Variants in THSD4 observed in about 807,000 individuals in gnomAD.
THSD4 encodes the protein thrombospondin type 1 domain containing 4, also known as thrombospondin type-1 domain-containing protein 4.
A neutral mutation model predicts 119.0 loss-of-function variants in THSD4; 69 were observed. The observed-to-expected ratio is 0.58, with a 90% CI of 0.48 to 0.71. The LOEUF is 0.71. Among genes scored for constraint, THSD4 ranks in the 30% least tolerant of loss-of-function variants. The pLI, the probability that THSD4 is intolerant of heterozygous loss-of-function variation, is 0.00. For synonymous variants in THSD4, 524 were observed against 540.4 expected (o/e 0.97, Z 0.42); for missense variants, 1,393 against 1,391.1 (o/e 1.00, Z -0.02).
intron 6 of THSD4, among the ~76,000 whole-genome samples, chr15:71,280,954 G>A (rs750024914): frequency 4.6e-5 from 7 of 152,216 alleles, no homozygotes; most frequent in Non-Finnish European, 1.0e-4. Flanking sequence ...ATTCATGGGG[G>A]CAATGTTTCT....
At chr15:71,351,420 A>G (rs1373171740) in intron 6 of THSD4, among the ~76,000 whole-genome samples, 4 of 152,184 alleles carry the variant, frequency 2.6e-5, no homozygotes, top group East Asian at 3.9e-4. Flanking sequence ...GACATGTACT[A>G]TAGACCCTTA....
intron 7 of THSD4, among the ~76,000 whole-genome samples, chr15:71,470,887 G>A (rs923337002): frequency 5.9e-5 from 9 of 151,414 alleles, no homozygotes; most frequent in Non-Finnish European, 7.4e-5. Context: ...CACCCGCCTC[G>A]GCCTCCCAAA....
chr15:71,436,832 A>G (rs2047019984), intron 7 of THSD4, among the ~76,000 whole-genome samples: 1 of 152,182 alleles, frequency 6.6e-6, no homozygotes, highest in African/African-American at 2.4e-5. Context: ...GGATAGTAAC[A>G]TTTTTACGGG....
At chr15:71,431,567 T>C (rs2140533601) in intron 7 of THSD4, among the ~76,000 whole-genome samples, 1 of 152,260 alleles carries the variant, frequency 6.6e-6, no homozygotes, top group South Asian at 2.1e-4. Flanking sequence ...AAGATCTGTA[T>C]GTAAAAAGCA....
chr15:71,142,613 A>G (rs779800846), intron 2 of THSD4, among the ~76,000 whole-genome samples: 1 of 152,240 alleles, frequency 6.6e-6, no homozygotes, highest in Non-Finnish European at 1.5e-5. Flanking sequence ...ATATCTGCCC[A>G]AGCATCTAGT....
At chr15:71,231,790 T>G (rs2044063866) in intron 4 of THSD4, among the ~76,000 whole-genome samples, 1 of 152,184 alleles carries the variant, frequency 6.6e-6, no homozygotes, top group African/African-American at 2.4e-5. Flanking sequence ...TTAATTTTTA[T>G]TTCCCTAAGT....
In THSD4 at chr15:71,777,431, G is replaced by A. The variant is rs1243192107; in HGVS notation, c.*57G>A. The stretch of plus-strand genomic sequence containing the variant: ...CACTGCCTTCCCGGGGGCTTCAGCA[G>A]TGCGCCTGGCTGGCTGCTGCTCCAC... On this transcript the variant is annotated 3_prime_UTR_variant, in exon 18 of 18. Coordinates refer to ENST00000261862, the MANE Select transcript of THSD4 (RefSeq NM_024817.3). The A allele has an allele frequency of 5.1e-6, 8 of 1,561,798 alleles. No homozygotes were observed. Among genetic ancestry groups the A allele is most frequent in the Middle Eastern group, 2.1e-4 (1 of 4,730 alleles).
At chr15:71,727,179 C>G (rs2052858186) in intron 8 of THSD4, among the ~76,000 whole-genome samples, 1 of 151,968 alleles carries the variant, frequency 6.6e-6, no homozygotes, top group East Asian at 1.9e-4. Flanking sequence ...CATCTCTGAG[C>G]CACTCTGAAA....
At chr15:71,203,180 C>T (rs951181538) in intron 3 of THSD4, among the ~76,000 whole-genome samples, 1 of 151,936 alleles carries the variant, frequency 6.6e-6, no homozygotes, top group Admixed American at 6.6e-5. Flanking sequence ...AGTGTTCTTG[C>T]GTGGTGTGAG....
rs575226746 is a variant in THSD4, at chr15:71,297,122, T to A, written c.1015+40407T>A. ...ATAATATTAACCCATTTCCTTCACATCCTTGTTATTTATTTTTTTTTAATT... is the reference window on the plus strand; with the variant it reads ...ATAATATTAACCCATTTCCTTCACAACCTTGTTATTTATTTTTTTTTAATT... On this transcript the variant is annotated intron_variant, in intron 6 of 17. Transcript: ENST00000261862. 5.9e-5 allele frequency among the ~76,000 whole-genome samples: 9 copies of A among 152,242 alleles called. No homozygotes were observed. The East Asian group carries it at 1.7e-3, about 29-fold the overall frequency.
intron 6 of THSD4, among the ~76,000 whole-genome samples, chr15:71,332,644 C>T (rs889416093): frequency 3.3e-5 from 5 of 152,060 alleles, no homozygotes; most frequent in African/African-American, 9.7e-5. Context: ...TTTTATGGCC[C>T]GATTGCTGTC....
chr15:71,111,277 G>A (rs1425643129), upstream of THSD4: 1 of 1,613,988 alleles, frequency 6.2e-7, no homozygotes, highest in Non-Finnish European at 8.5e-7. Context: ...GGGAATCCTT[G>A]ACATTCCGTC....
At chr15:71,128,819 T>A (rs1217529301) in intron 1 of THSD4, among the ~76,000 whole-genome samples, 1 of 152,164 alleles carries the variant, frequency 6.6e-6, no homozygotes, top group South Asian at 2.1e-4. Context: ...GCTATAACAA[T>A]GAAGAGAGTG....
chr15:71,780,143 G>A lies in THSD4; in HGVS notation c.*2769G>A, dbSNP rs1411955682. On this transcript the variant is annotated 3_prime_UTR_variant, in exon 18 of 18. Transcript: ENST00000261862. ...ATATGTCTCTTTCTGCTTTCTTAGT[G>A]CCCATTATTTCCCCCTCTCCTTTCT... is the stretch of plus-strand genomic sequence containing the variant. 1 of 152,166 alleles carries A rather than the reference G, an allele frequency of 6.6e-6. No homozygotes were observed. Among genetic ancestry groups the A allele is most frequent in the Non-Finnish European group, 1.5e-5 (1 of 68,158 alleles). The allele number at this position is 152,166 out of a possible 1,614,324, so 9.4% of individuals were successfully genotyped here. A position where few individuals can be genotyped will look rare whatever the true frequency, so the allele number is the denominator to read the frequency against.
At chr15:71,098,599 C>T (rs1050930760) in intron 1 of THSD4, among the ~76,000 whole-genome samples, 2 of 151,984 alleles carry the variant, frequency 1.3e-5, no homozygotes, top group Non-Finnish European at 2.9e-5. Flanking sequence ...TGAACTAGAT[C>T]ATCATTGGGT....
chr15:71,426,397 G>GTGTGTGTT (rs1555412517), intron 7 of THSD4, among the ~76,000 whole-genome samples: 1,782 of 124,688 alleles, frequency 0.014, 17 homozygotes, highest in Middle Eastern at 0.04. Context: ...GTGTGTGTGT[G>GTGTGTGTT]TGTGTGTGTT....
chr15:71,267,610 CA>C (rs1449070462), intron 6 of THSD4, among the ~76,000 whole-genome samples: 1 of 151,812 alleles, frequency 6.6e-6, no homozygotes, highest in Non-Finnish European at 1.5e-5. Context: ...TCACACATAA[CA>C]ATATTAATCT....
chr15:71,706,011 G>T (rs1010292772), intron 8 of THSD4, among the ~76,000 whole-genome samples: 1 of 152,176 alleles, frequency 6.6e-6, no homozygotes, highest in Non-Finnish European at 1.5e-5. Flanking sequence ...GTGAGGAATT[G>T]CATCTAGAGA....
intron 14 of THSD4, among the ~76,000 whole-genome samples, chr15:71,756,493 A>G (rs536724516): frequency 2.5e-4 from 38 of 152,328 alleles, no homozygotes; most frequent in African/African-American, 8.7e-4. Flanking sequence ...AATGTTTGAA[A>G]AGATAAAGTT....
Sources: allele counts gnomAD v4.1 joint callset (sites outside exome capture counted in the v4.1 genomes callset), GRCh38; gene constraint gnomAD v4.1.1; transcripts MANE v1.5; gene names NCBI Gene and HGNC (gene_info 2026-07-23, HGNC 2026-07-21).